Variants in ARHGAP32 observed in about 807,000 individuals in gnomAD.
The protein encoded by ARHGAP32 is rho GTPase-activating protein 32.
Under a neutral mutation model 186.5 loss-of-function variants are expected in ARHGAP32, and 51 were observed. That is an observed-to-expected ratio of 0.27 (90% CI 0.22 to 0.35). ARHGAP32 has a LOEUF of 0.35. ARHGAP32 is among the 10% of genes least tolerant of loss of function. The pLI, the probability that ARHGAP32 is intolerant of heterozygous loss-of-function variation, is 1.00. For missense variants in ARHGAP32, 2,186 were observed against 2,623.5 expected (o/e 0.83, Z 3.64); for synonymous variants, 950 against 964.3 (o/e 0.99, Z 0.27).
At chr11:129,263,216 A>G (rs1414337977) in intron 1 of ARHGAP32, among the ~76,000 whole-genome samples, 2 of 152,226 alleles carry the variant, frequency 1.3e-5, no homozygotes, top group Non-Finnish European at 2.9e-5. Context: ...AAGCACAGGC[A>G]ATAGGAAAAA....
intron 5 of ARHGAP32, among the ~76,000 whole-genome samples, chr11:129,100,438 G>A (rs1941860574): frequency 6.6e-6 from 1 of 152,142 alleles, no homozygotes; most frequent in Non-Finnish European, 1.5e-5. Flanking sequence ...CTGCAGAGGG[G>A]TGGCATCTAT....
At chr11:129,170,301 C>T (rs1172986799) in intron 1 of ARHGAP32, among the ~76,000 whole-genome samples, 2 of 151,350 alleles carry the variant, frequency 1.3e-5, no homozygotes, top group Non-Finnish European at 3.0e-5. Flanking sequence ...CATCTATTGA[C>T]TCGTCCTCTA....
chr11:129,213,353 C>T (rs1371370049), intron 1 of ARHGAP32, among the ~76,000 whole-genome samples: 1 of 152,112 alleles, frequency 6.6e-6, no homozygotes, highest in East Asian at 1.9e-4. Context: ...TAGCTTGCCA[C>T]CTATAGTAGT....
chr11:129,056,474 G>C (rs1341010176), intron 10 of ARHGAP32, among the ~76,000 whole-genome samples: 1 of 151,900 alleles, frequency 6.6e-6, no homozygotes, highest in Non-Finnish European at 1.5e-5. Context: ...CTCAAATTCC[G>C]GGGTCCAAGC....
At chr11:129,169,857 A>AGAG in intron 1 of ARHGAP32, among the ~76,000 whole-genome samples, 1 of 152,126 alleles carries the variant, frequency 6.6e-6, no homozygotes, top group Non-Finnish European at 1.5e-5. Flanking sequence ...TAAACATACA[A>AGAG]GCCAAAGATA....
intron 10 of ARHGAP32, among the ~76,000 whole-genome samples, chr11:129,057,958 A>G (rs1162869174): frequency 4.6e-5 from 7 of 152,164 alleles, no homozygotes; most frequent in Non-Finnish European, 1.0e-4. Flanking sequence ...AGCCTTTTGA[A>G]AAAAACTAAA....
chr11:129,107,606 C>T (rs1342020970), intron 5 of ARHGAP32, among the ~76,000 whole-genome samples: 4 of 152,268 alleles, frequency 2.6e-5, no homozygotes, highest in South Asian at 4.1e-4. Context: ...TGGTGGCTCA[C>T]GCCTGTAATC....
intron 11 of ARHGAP32, among the ~76,000 whole-genome samples, chr11:129,019,520 T>C (rs2134881752): frequency 6.6e-6 from 1 of 152,290 alleles, no homozygotes; most frequent in South Asian, 2.1e-4. Context: ...TTATCTCCCA[T>C]CACATTCTGT....
intron 1 of ARHGAP32, among the ~76,000 whole-genome samples, chr11:129,259,684 G>T (rs898415968): frequency 1.3e-5 from 2 of 152,010 alleles, no homozygotes; most frequent in Non-Finnish European, 2.9e-5. Flanking sequence ...TGCAGAGGAA[G>T]AAACCACAAG....
At chr11:128,994,946 C>T (rs933045547) in intron 12 of ARHGAP32, among the ~76,000 whole-genome samples, 1 of 152,000 alleles carries the variant, frequency 6.6e-6, no homozygotes, top group African/African-American at 2.4e-5. Flanking sequence ...TTTAAGGTCA[C>T]AAGTTAATTT....
intron 10 of ARHGAP32, among the ~76,000 whole-genome samples, chr11:129,051,615 TCTC>T (rs1224951435): frequency 6.6e-6 from 1 of 152,196 alleles, no homozygotes; most frequent in Admixed American, 6.5e-5. Flanking sequence ...ACAAAAGTTT[TCTC>T]CTATGTTTTC....
At chr11:129,218,949 T>C (rs570667294) in intron 1 of ARHGAP32, among the ~76,000 whole-genome samples, 12 of 152,150 alleles carry the variant, frequency 7.9e-5, no homozygotes, top group South Asian at 4.2e-4. Context: ...AAGAAAGAAG[T>C]TGAACAGATG....
chr11:129,230,114 TA>T (rs1490623615), intron 1 of ARHGAP32, among the ~76,000 whole-genome samples: 1 of 152,112 alleles, frequency 6.6e-6, no homozygotes, highest in African/African-American at 2.4e-5. Context: ...TGCGCAGCCT[TA>T]ATATATTTTT....
intron 11 of ARHGAP32, among the ~76,000 whole-genome samples, chr11:129,019,921 G>A (rs773717292): frequency 1.8e-4 from 28 of 151,992 alleles, no homozygotes; most frequent in Non-Finnish European, 2.8e-4. Flanking sequence ...TTTTAATCCC[G>A]ATTCTGCCAA....
chr11:129,011,931 A>G (rs1402332232), intron 11 of ARHGAP32, among the ~76,000 whole-genome samples: 47 of 152,122 alleles, frequency 3.1e-4, no homozygotes, highest in Admixed American at 3.1e-3. Context: ...ATGTGAGCTT[A>G]TTTTTGCAAA....
chr11:129,120,716 C>G (rs983444264), intron 5 of ARHGAP32, among the ~76,000 whole-genome samples: 5 of 152,022 alleles, frequency 3.3e-5, no homozygotes, highest in Non-Finnish European at 7.4e-5. Flanking sequence ...CAATTATAAA[C>G]TTTCAAGATC....
At chr11:129,201,918 G>C (rs1413919870) in intron 1 of ARHGAP32, among the ~76,000 whole-genome samples, 1 of 152,134 alleles carries the variant, frequency 6.6e-6, no homozygotes, top group Non-Finnish European at 1.5e-5. Flanking sequence ...AGGAGTTCGA[G>C]GCTACAGTGA....
intron 11 of ARHGAP32, among the ~76,000 whole-genome samples, chr11:129,024,653 G>T (rs1938752456): frequency 6.6e-6 from 1 of 152,032 alleles, no homozygotes; most frequent in Non-Finnish European, 1.5e-5. Context: ...AAATAAAAAA[G>T]GTTTCTTCAG....
intron 1 of ARHGAP32, among the ~76,000 whole-genome samples, chr11:129,270,255 AG>A (rs1296581988): frequency 6.6e-6 from 1 of 152,232 alleles, no homozygotes; most frequent in East Asian, 1.9e-4. Flanking sequence ...AAGTGAAAGA[AG>A]CTAGTCTGAA....
Sources: allele counts gnomAD v4.1 joint callset (sites outside exome capture counted in the v4.1 genomes callset), GRCh38; gene constraint gnomAD v4.1.1; transcripts MANE v1.5; gene names NCBI Gene and HGNC (gene_info 2026-07-23, HGNC 2026-07-21).